Variants in UNC79 observed in about 807,000 individuals in gnomAD.
UNC79 encodes protein unc-79 homolog.
In UNC79, 37 loss-of-function variants were observed where a neutral mutation model predicts 283.1. The ratio of observed to expected loss-of-function variants is 0.13; its 90% confidence interval spans 0.10 to 0.17. The LOEUF (loss-of-function observed/expected upper bound fraction) is 0.17, where lower values mean the gene tolerates loss of function less well. Among genes scored for constraint, UNC79 ranks in the 10% least tolerant of loss-of-function variants. UNC79 has a pLI of 1.00. For missense variants in UNC79, 2,272 were observed against 3,211.1 expected, an observed-to-expected ratio of 0.71 and a Z score of 7.07; for synonymous variants, 1,107 against 1,200.2, an observed-to-expected ratio of 0.92 and a Z score of 1.61.
intron 1 of UNC79, among the ~76,000 whole-genome samples, chr14:93,337,310 T>C (rs1194070525): frequency 3.9e-5 from 6 of 152,214 alleles, no homozygotes; most frequent in African/African-American, 1.4e-4. Flanking sequence ...CCAAAAAAGC[T>C]CTTCTTAAGT....
rs186768782 is a variant in UNC79, at chr14:93,690,367, C to T, written c.7272+64C>T. 1.4e-4 allele frequency: 219 copies of T among 1,521,200 alleles called. No homozygotes were observed. In the East Asian group the frequency reaches 4.5e-3, roughly 32 times the overall value. The allele number at this position is 1,521,200 out of a possible 1,614,324, so 94.2% of individuals were successfully genotyped here. On this transcript the variant is annotated intron_variant, in intron 45 of 48. Coordinates refer to ENST00000555664, the Ensembl canonical transcript of UNC79. This position sits in a 1 kb window ranked among gnomAD's most constrained non-coding sequence, Gnocchi z 4.3. The stretch of plus-strand genomic sequence containing the variant: ...AATTGCTAATGGAAACCTTATCAGC[C>T]AATTATGTTTCTTCTGAGAAGAAAA...
chr14:93,509,899 T>C (rs1403896724), intron 7 of UNC79, among the ~76,000 whole-genome samples: 1 of 152,164 alleles, frequency 6.6e-6, no homozygotes. Flanking sequence ...GCTTCAACTC[T>C]GTATTGCCCT....
chr14:93,628,049 T>C (rs1008628143), intron 30 of UNC79, among the ~76,000 whole-genome samples: 2 of 152,182 alleles, frequency 1.3e-5, no homozygotes, highest in Non-Finnish European at 2.9e-5. Flanking sequence ...AGTAGTAGTA[T>C]TTTACACTCC....
intron 11 of UNC79, among the ~76,000 whole-genome samples, chr14:93,535,098 C>T (rs2061006483): frequency 6.6e-6 from 1 of 152,116 alleles, no homozygotes; most frequent in Non-Finnish European, 1.5e-5. Context: ...TTTTGTGAGA[C>T]CACTTGGAGT....
chr14:93,662,559 G>T, intron 39 of UNC79, 45 bp from the exon 43 acceptor site: 2 of 1,270,224 alleles, frequency 1.6e-6, no homozygotes, highest in South Asian at 1.4e-5. Context: ...TTTTTGAAAT[G>T]AAGTAATCAG....
At chr14:93,462,191 A>G (rs888169170) in intron 1 of UNC79, among the ~76,000 whole-genome samples, 38 of 152,310 alleles carry the variant, frequency 2.5e-4, no homozygotes, top group African/African-American at 9.1e-4. Context: ...CTGTAATCCC[A>G]GCTACTGGCA....
intron 30 of UNC79, among the ~76,000 whole-genome samples, 178 bp from the exon 33 acceptor site, chr14:93,630,623 G>A (rs1379905971): frequency 1.3e-5 from 2 of 152,216 alleles, no homozygotes; most frequent in African/African-American, 4.8e-5. Context: ...CATAGAGTCA[G>A]CTCTCCCTGG....
chr14:93,592,678 GAAAAC>G (rs540313951), intron 22 of UNC79, among the ~76,000 whole-genome samples: 302 of 151,354 alleles, frequency 2.0e-3, no homozygotes, highest in South Asian at 0.01. Context: ...GAGTCAAATA[GAAAAC>G]AAAACAAAAC....
At chr14:93,357,559 A>G (rs2054111383) in intron 1 of UNC79, among the ~76,000 whole-genome samples, 1 of 151,176 alleles carries the variant, frequency 6.6e-6, no homozygotes, top group South Asian at 2.1e-4. Context: ...GCCCTTAAAC[A>G]TCAGACTCCA....
intron 1 of UNC79, among the ~76,000 whole-genome samples, chr14:93,419,847 T>G (rs2055553561): frequency 6.6e-6 from 1 of 151,640 alleles, no homozygotes; most frequent in Non-Finnish European, 1.5e-5. Context: ...GACGATTGCT[T>G]GAGGCCAGAA....
At chr14:93,402,998 G>T (rs752285079) in intron 1 of UNC79, among the ~76,000 whole-genome samples, 1 of 152,152 alleles carries the variant, frequency 6.6e-6, no homozygotes, top group Non-Finnish European at 1.5e-5. Context: ...ATGTACATTG[G>T]TTCTGTCTAG....
intron 7 of UNC79, among the ~76,000 whole-genome samples, chr14:93,513,105 A>T (rs2059901534): frequency 6.6e-6 from 1 of 152,110 alleles, no homozygotes; most frequent in South Asian, 2.1e-4. Context: ...TTCAGATTTT[A>T]TAGGCTTCTT....
At chr14:93,674,197 C>T (rs2073139218) in intron 41 of UNC79, among the ~76,000 whole-genome samples, 1 of 152,094 alleles carries the variant, frequency 6.6e-6, no homozygotes, top group African/African-American at 2.4e-5. Flanking sequence ...ATGGATCCCA[C>T]CCCTTATGAT....
At chr14:93,462,969 C>G (rs1030706479) in intron 1 of UNC79, among the ~76,000 whole-genome samples, 1 of 152,064 alleles carries the variant, frequency 6.6e-6, no homozygotes, top group African/African-American at 2.4e-5. Flanking sequence ...GCAGTTGGCC[C>G]CTGGATGCTC....
chr14:93,538,641 G>T lies in UNC79; in HGVS notation c.1352+423G>T, dbSNP rs1044786950. 2.0e-5 allele frequency among the ~76,000 whole-genome samples: 3 copies of T among 152,176 alleles called. No homozygotes were observed. The East Asian group carries it at 5.8e-4, about 29-fold the overall frequency. The stretch of plus-strand genomic sequence containing the variant: ...ACTGACAGCAGCATTAACCAGTCAG[G>T]AGGCGGGGAAGGCAACAAGGGCGAA... On this transcript the variant is annotated intron_variant, in intron 12 of 48. Coordinates refer to ENST00000555664, the Ensembl canonical transcript of UNC79.
chr14:93,557,381 C>T (rs936652360), intron 14 of UNC79, among the ~76,000 whole-genome samples: 2 of 152,106 alleles, frequency 1.3e-5, no homozygotes, highest in Non-Finnish European at 2.9e-5. Flanking sequence ...AAGGAATATG[C>T]CCAGTTAATC....
chr14:93,349,817 A>T (rs1017594515), intron 1 of UNC79, among the ~76,000 whole-genome samples: 1 of 152,238 alleles, frequency 6.6e-6, no homozygotes, highest in African/African-American at 2.4e-5. Flanking sequence ...TAAGGTTCTT[A>T]CTCAGGTGAA....
chr14:93,593,261 A>G (rs1231820503), intron 22 of UNC79, among the ~76,000 whole-genome samples: 1 of 152,202 alleles, frequency 6.6e-6, no homozygotes, highest in East Asian at 1.9e-4. Flanking sequence ...ATTAAGAGAA[A>G]AAGAGTTGTT....
In UNC79 at chr14:93,621,688, A is replaced by G; in HGVS notation, c.4455A>G (p.Arg1485=). ...AAGACAGCCTTCTCCACTGTGTGAG[A>G]GAAGAAAGCATTCCGAAAAAAAAGC... Residue 1485 remains arginine, a synonymous_variant, in exon 30 of 49, where the codon AGA becomes AGG. Coordinates refer to ENST00000555664, the Ensembl canonical transcript of UNC79. The surrounding 1 kb of genome is among the most constrained non-coding windows in gnomAD (Gnocchi z 4.8). The G allele has an allele frequency of 1.2e-6, 2 of 1,613,164 alleles. No homozygotes were observed. The highest frequency in any genetic ancestry group is 2.2e-5 in the East Asian group (1 of 44,872).
Sources: allele counts gnomAD v4.1 joint callset (sites outside exome capture counted in the v4.1 genomes callset), GRCh38; gene constraint gnomAD v4.1.1; non-coding constraint Gnocchi (gnomAD v3.1); transcripts MANE v1.5; gene names NCBI Gene and HGNC (gene_info 2026-07-23, HGNC 2026-07-21).